SHANK2: variants seen among roughly 807,000 people sequenced by gnomAD.
SHANK2 encodes the protein SH3 and multiple ankyrin repeat domains 2, also known as SH3 and multiple ankyrin repeat domains protein 2.
Under a neutral mutation model 133.7 loss-of-function variants are expected in SHANK2, and 43 were observed. That is an observed-to-expected ratio of 0.32 (90% CI 0.25 to 0.41). The LOEUF (loss-of-function observed/expected upper bound fraction) is 0.41. SHANK2 is among the 10% of genes least tolerant of loss of function. SHANK2 has a pLI of 1.00. For missense variants in SHANK2, 1,994 were observed against 2,235.8 expected (o/e 0.89, Z 2.18); for synonymous variants, 1,017 against 952.8 (o/e 1.07, Z -1.24).
chr11:70,890,668 G>A (rs553749177), intron 11 of SHANK2, among the ~76,000 whole-genome samples: 88 of 151,848 alleles, frequency 5.8e-4, no homozygotes, highest in South Asian at 1.3e-3. Flanking sequence ...GTATGGTAGC[G>A]CGTGCCTGTA....
At position 70,700,994 on chromosome 11, in the gene SHANK2, T is replaced by C. The variant is rs549115647; in HGVS notation, c.1778-2231A>G. Among the ~76,000 whole-genome samples the C allele has an allele frequency of 2.6e-5, 4 of 152,338 alleles. No individual in the cohort carries two copies. In the South Asian group the frequency reaches 8.3e-4, roughly 32 times the overall value. The stretch of plus-strand genomic sequence containing the variant: ...ACAGGGACTGGCTGTTAATTGCTAT[T>C]ATTACTTTTAATTGTCTCTGCTCCT... On this transcript the variant is annotated intron_variant, in intron 14 of 25. Transcript: ENST00000601538.
In SHANK2 at chr11:70,569,354, C is replaced by T. The variant is rs894307422; in HGVS notation, c.2062-66423G>A. On this transcript the variant is annotated intron_variant, in intron 17 of 25. Coordinates refer to ENST00000601538, the MANE Select transcript of SHANK2 (RefSeq NM_012309.5). This position sits in a 1 kb window ranked among gnomAD's most constrained non-coding sequence, Gnocchi z 5.1. ...TCATGCGCCTCATGGACGCATCTTG[C>T]CCCGGTTTCCAGGTGCGGTGGAGCG... is the stretch of plus-strand genomic sequence containing the variant. Among the ~76,000 whole-genome samples, 1 of 152,196 alleles carries T rather than the reference C, an allele frequency of 6.6e-6. No individual in the cohort carries two copies. Among genetic ancestry groups the T allele is most frequent in the African/African-American group, 2.4e-5 (1 of 41,450 alleles).
chr11:71,135,703 G>A (rs2135354992), intron 3 of SHANK2, among the ~76,000 whole-genome samples: 1 of 152,172 alleles, frequency 6.6e-6, no homozygotes, highest in East Asian at 1.9e-4. Flanking sequence ...TGATCCACCT[G>A]CCTCAGCCTC....
chr11:70,822,421 G>A (rs1555056141), intron 11 of SHANK2, among the ~76,000 whole-genome samples: 1 of 152,286 alleles, frequency 6.6e-6, no homozygotes, highest in African/African-American at 2.4e-5. Context: ...GGATGGTGCT[G>A]GCAGAACTCA....
intron 17 of SHANK2, among the ~76,000 whole-genome samples, chr11:70,537,233 C>T (rs1003438082): frequency 6.6e-6 from 1 of 152,230 alleles, no homozygotes; most frequent in East Asian, 1.9e-4. Flanking sequence ...AACCTCCCCC[C>T]AGGATGCTCA....
At chr11:70,529,856 G>A (rs1554972844) in intron 17 of SHANK2, among the ~76,000 whole-genome samples, 1 of 152,216 alleles carries the variant, frequency 6.6e-6, no homozygotes, top group Admixed American at 6.5e-5. Context: ...CGTTGGACCA[G>A]GCATCAGTCT....
chr11:70,653,505 C>T (rs543336470), intron 17 of SHANK2, among the ~76,000 whole-genome samples: 51 of 146,232 alleles, frequency 3.5e-4, no homozygotes, highest in Non-Finnish European at 6.5e-4. Context: ...TGCAGTGGTG[C>T]GATCTCGGCT....
chr11:70,802,334 C>T lies in SHANK2; in HGVS notation c.1664-3778G>A, dbSNP rs143736652. On this transcript the variant is annotated intron_variant, in intron 13 of 25. Coordinates refer to ENST00000601538, the MANE Select transcript of SHANK2 (RefSeq NM_012309.5). ...CCTCACTATGGCCACCACAGTGGGC[C>T]GCTCCCTGCCTCAGCAGCTCTCTTG... Among the ~76,000 whole-genome samples, 158 of 152,234 alleles carry T rather than the reference C, an allele frequency of 1.0e-3. 1 individual carries two copies. The highest frequency in any genetic ancestry group is 1.6e-3 in the Non-Finnish European group (111 of 68,008).
chr11:70,483,977 A>G (rs1218567151), intron 25 of SHANK2, among the ~76,000 whole-genome samples: 1 of 152,218 alleles, frequency 6.6e-6, no homozygotes, highest in Non-Finnish European at 1.5e-5. Flanking sequence ...GATGTCACTG[A>G]TTAATGCACT....
At chr11:71,112,843 C>T (rs1354473684) in intron 5 of SHANK2, among the ~76,000 whole-genome samples, 1 of 150,772 alleles carries the variant, frequency 6.6e-6, no homozygotes, top group African/African-American at 2.4e-5. Context: ...AGGTTCTGAA[C>T]ACTCTGTGCA....
chr11:70,587,697 A>G (rs895259540), intron 17 of SHANK2, among the ~76,000 whole-genome samples: 2 of 99,584 alleles, frequency 2.0e-5, no homozygotes, highest in African/African-American at 7.8e-5. Context: ...GAGCACGTCC[A>G]GTTTTTTTTT....
At chr11:70,774,568 C>A (rs946192161) in intron 14 of SHANK2, among the ~76,000 whole-genome samples, 4 of 152,144 alleles carry the variant, frequency 2.6e-5, no homozygotes, top group Non-Finnish European at 4.4e-5. Flanking sequence ...GATCCGCCCG[C>A]CTTGGCCTCC....
intron 17 of SHANK2, among the ~76,000 whole-genome samples, chr11:70,561,055 G>A (rs1454557722): frequency 1.3e-5 from 2 of 152,228 alleles, no homozygotes; most frequent in African/African-American, 4.8e-5. Context: ...AAAGGGCAAA[G>A]GCAATTCAAC....
At chr11:70,662,167 T>C in intron 15 of SHANK2, 1 of 298,474 alleles carries the variant, frequency 3.4e-6, no homozygotes, top group South Asian at 3.7e-5. Flanking sequence ...AGGCAGCAGT[T>C]TTGTTTTGCT....
chr11:70,492,200 C>A, intron 22 of SHANK2, 135 bp downstream of exon 22: 1 of 1,319,186 alleles, frequency 7.6e-7, no homozygotes, highest in Non-Finnish European at 1.1e-6. Flanking sequence ...CCTGTGGCCA[C>A]TTAGATTTGG....
intron 17 of SHANK2, among the ~76,000 whole-genome samples, chr11:70,601,130 C>G (rs1442725709): frequency 4.6e-5 from 7 of 152,118 alleles, no homozygotes; most frequent in Admixed American, 4.6e-4. Context: ...CAGCTCACGG[C>G]AATCTCCACC....
intron 9 of SHANK2, among the ~76,000 whole-genome samples, chr11:71,061,004 T>A (rs1305430277): frequency 6.6e-6 from 1 of 152,264 alleles, no homozygotes; most frequent in African/African-American, 2.4e-5. Flanking sequence ...GACATAACTA[T>A]GTTCAGCAAA....
intron 2 of SHANK2, among the ~76,000 whole-genome samples, chr11:71,172,597 C>CAT (rs35996719): frequency 1.9e-5 from 2 of 107,302 alleles, no homozygotes; most frequent in African/African-American, 8.1e-5. Flanking sequence ...GACTCTGTCT[C>CAT]AAAAAAAAAA....
At chr11:71,101,576 A>G (rs1951716786) in intron 6 of SHANK2, among the ~76,000 whole-genome samples, 1 of 152,244 alleles carries the variant, frequency 6.6e-6, no homozygotes, top group South Asian at 2.1e-4. Context: ...ACGAGGTTCC[A>G]GAACCATTAT....
Sources: allele counts gnomAD v4.1 joint callset (sites outside exome capture counted in the v4.1 genomes callset), GRCh38; gene constraint gnomAD v4.1.1; non-coding constraint Gnocchi (gnomAD v3.1); transcripts MANE v1.5; gene names NCBI Gene and HGNC (gene_info 2026-07-23, HGNC 2026-07-21).